ZYG11B: variants seen among roughly 807,000 people sequenced by gnomAD.
ZYG11B encodes zyg-11 family member B, cell cycle regulator.
Under a neutral mutation model 82.4 loss-of-function variants are expected in ZYG11B, and 36 were observed. The ratio of observed to expected loss-of-function variants is 0.44; its 90% CI spans 0.33 to 0.58. The LOEUF (loss-of-function observed/expected upper bound fraction) is 0.58. ZYG11B is among the 20% of genes least tolerant of loss of function. ZYG11B has a pLI of 0.02. For synonymous variants in ZYG11B, 303 were observed against 312.8 expected, an observed-to-expected ratio of 0.97 and a Z score of 0.33; for missense variants, 552 against 895.6, an observed-to-expected ratio of 0.62 and a Z score of 4.90.
Position 52,803,245 on chromosome 1 carries a change from C to T in ZYG11B, c.1695+1106C>T, listed in dbSNP as rs371759794. ...ATATACACACATATATATATACACACACACATATATATATATATATACACA... is the reference window on the plus strand; with the variant it reads ...ATATACACACATATATATATACACATACACATATATATATATATATACACA... On this transcript the variant is annotated intron_variant, in intron 10 of 13. Transcript: ENST00000294353. 0.01 allele frequency among the ~76,000 whole-genome samples: 624 copies of T among 61,992 alleles called. 79 individuals carry two copies. In the East Asian group the frequency reaches 0.26, roughly 25 times the overall value. The allele number at this position is 61,992 out of a possible 152,430, so 40.7% of individuals were successfully genotyped here. A position where few individuals can be genotyped will look rare whatever the true frequency, so the allele number is the denominator to read the frequency against.
At chr1:52,793,896 C>CTTCCTTCCTTCA (rs1268346317) in intron 6 of ZYG11B, among the ~76,000 whole-genome samples, 63 of 148,974 alleles carry the variant, frequency 4.2e-4, no homozygotes, top group African/African-American at 1.6e-3. Flanking sequence ...TCCTTCCTTC[C>CTTCCTTCCTTCA]TTCCTTTCTT....
At chr1:52,734,972 G>A (rs1022438453) in intron 1 of ZYG11B, among the ~76,000 whole-genome samples, 18 of 150,904 alleles carry the variant, frequency 1.2e-4, no homozygotes, top group Admixed American at 8.6e-4. Context: ...CAGGTGATCC[G>A]CCCGCCTTGG....
In ZYG11B at chr1:52,825,271, AAAAT is replaced by A. The variant is rs1247927690; in HGVS notation, c.*3647_*3650del. The stretch of plus-strand genomic sequence containing the variant: ...TTAACTGCATTATTAACTAATTAAT[AAAAT>A]AAATCAAGTGGTATAAGGGATTAGT... On this transcript the variant is annotated 3_prime_UTR_variant, in exon 14 of 14. Transcript: ENST00000294353. 6.6e-6 allele frequency: 1 copy of A among 152,150 alleles called. No individual in the cohort carries two copies. The highest frequency in any genetic ancestry group is 1.5e-5 in the Non-Finnish European group (1 of 68,036). The allele number at this position is 152,150 out of a possible 1,614,324, so 9.4% of individuals were successfully genotyped here. A position where few individuals can be genotyped will look rare whatever the true frequency, so the allele number is the denominator to read the frequency against.
chr1:52,802,157 C>G lies in ZYG11B; in HGVS notation c.1695+18C>G. On this transcript the variant is annotated intron_variant, in intron 10 of 13. Transcript: ENST00000294353. Reference sequence around the variant, plus strand: ...GACTTTTGGTAAGATATAAGCACTTCCTGCTAAGTTCCAAGCTATATTTAT... The same window carrying G: ...GACTTTTGGTAAGATATAAGCACTTGCTGCTAAGTTCCAAGCTATATTTAT... 2 of 1,603,404 alleles carry G rather than the reference C, an allele frequency of 1.2e-6. No homozygotes were observed. The highest frequency in any genetic ancestry group is 1.7e-6 in the Non-Finnish European group (2 of 1,176,650).
In ZYG11B at chr1:52,821,445, G is replaced by GGT; in HGVS notation, c.2052_2053dup (p.Tyr685CysfsTer6). 6.5e-7 allele frequency: 1 copy of GGT among 1,535,560 alleles called. No homozygotes were observed. Among genetic ancestry groups the GGT allele is most frequent in the Non-Finnish European group, 8.8e-7 (1 of 1,136,098 alleles). On this transcript the variant is annotated frameshift_variant, in exon 14 of 14. Transcript: ENST00000294353. LOFTEE classifies it high-confidence loss of function. ...GTTTTTTTTTCTTTTTCAGCTTCAAGGTATTGCAGCATGCTGATTGAAGAA... is the reference window on the plus strand; with the variant it reads ...GTTTTTTTTTCTTTTTCAGCTTCAAGGTGTATTGCAGCATGCTGATTGAAGAA...
In ZYG11B at chr1:52,785,657, A is replaced by C. The variant is rs116582779; in HGVS notation, c.1269+604A>C. 6.0e-3 allele frequency among the ~76,000 whole-genome samples: 906 copies of C among 152,262 alleles called. 6 individuals carry two copies. Among genetic ancestry groups the C allele is most frequent in the Middle Eastern group, 0.017 (5 of 294 alleles). On this transcript the variant is annotated intron_variant, in intron 5 of 13. Transcript: ENST00000294353. ...TTCTTAGTAGAGACAAGGTTTCAAC[A>C]TGTTGGTGAGGATAGTCTCCATCTC...
At chr1:52,779,577 G>A (rs912489753) in intron 3 of ZYG11B, among the ~76,000 whole-genome samples, 7 of 152,194 alleles carry the variant, frequency 4.6e-5, no homozygotes, top group Non-Finnish European at 7.4e-5. Flanking sequence ...TGTAACCTCC[G>A]CCTCCTGGGT....
At chr1:52,741,298 C>CAAAAAAAAAAAAAA (rs770092920) in intron 1 of ZYG11B, among the ~76,000 whole-genome samples, 7 of 72,126 alleles carry the variant, frequency 9.7e-5, no homozygotes, top group Admixed American at 2.0e-4. Flanking sequence ...GACTTCGTCT[C>CAAAAAAAAAAAAAA]AAAAAAAAAA....
intron 4 of ZYG11B, among the ~76,000 whole-genome samples, chr1:52,781,264 C>T (rs1242272541): frequency 6.6e-6 from 1 of 151,534 alleles, no homozygotes; most frequent in African/African-American, 2.4e-5. Flanking sequence ...TTTGGGAAGC[C>T]AAGGCAGGCA....
chr1:52,806,704 A>G (rs1392219091), intron 10 of ZYG11B, among the ~76,000 whole-genome samples: 2 of 151,952 alleles, frequency 1.3e-5, no homozygotes, highest in Non-Finnish European at 2.9e-5. Context: ...ATTTGTCTTT[A>G]TATTTAAAAT....
intron 1 of ZYG11B, among the ~76,000 whole-genome samples, chr1:52,739,641 TG>T (rs145453042): frequency 0.019 from 2,948 of 152,204 alleles, 36 homozygotes; most frequent in Non-Finnish European, 0.031. Flanking sequence ...TGTTTTTTTT[TG>T]AGAGAGTCTC....
At chr1:52,796,449 T>G in intron 7 of ZYG11B, 58 bp downstream of exon 7, 1 of 1,374,746 alleles carries the variant, frequency 7.3e-7, no homozygotes, top group Non-Finnish European at 1.0e-6. Context: ...CTACATTTAC[T>G]GTTTCCCCCC....
At chr1:52,752,790 G>C (rs539862477) in intron 1 of ZYG11B, among the ~76,000 whole-genome samples, 1 of 152,268 alleles carries the variant, frequency 6.6e-6, no homozygotes, top group South Asian at 2.1e-4. Context: ...TGTTGGCGTG[G>C]GAAAAGCCCA....
chr1:52,801,969 A>G lies in ZYG11B; in HGVS notation c.1636A>G (p.Arg546Gly), dbSNP rs1417626758. The change falls in exon 9 of 14, where the codon AGG (arginine) becomes GGG (glycine). Residue 546 changes from arginine (R) to glycine (G), a missense_variant. Arg to Gly is a moderately radical substitution (Grantham distance 125). Around this residue, in one of 3 missense-constraint regions of ZYG11B, gnomAD observed 66 missense variants for 176.4 expected, o/e 0.37. Coordinates refer to ENST00000294353, the MANE Select transcript of ZYG11B (RefSeq NM_024646.3). The stretch of plus-strand genomic sequence containing the variant: ...AAACCAAGGGTTAGAACTCTTCATG[A>G]GGGTTCTAGAGGTTAGAATGGGAAT... ...IENQGLELFM[R>G]VLESFPTESS... is the part of the protein sequence containing the mutation. 1 of 1,599,478 alleles carries G rather than the reference A, an allele frequency of 6.3e-7. No homozygotes were observed. The highest frequency in any genetic ancestry group is 2.2e-5 in the East Asian group (1 of 44,742).
At chr1:52,758,688 G>A (rs1644600620) in intron 2 of ZYG11B, among the ~76,000 whole-genome samples, 1 of 152,134 alleles carries the variant, frequency 6.6e-6, no homozygotes, top group African/African-American at 2.4e-5. Flanking sequence ...AAATGAGGCT[G>A]TAACTGAGGC....
At chr1:52,814,268 G>C (rs1645206371) in intron 12 of ZYG11B, among the ~76,000 whole-genome samples, 2 of 152,146 alleles carry the variant, frequency 1.3e-5, no homozygotes, top group South Asian at 4.1e-4. Context: ...TGATCTGCCT[G>C]CCTGGGCCCC....
At chr1:52,757,169 G>A (rs1206793440) in intron 2 of ZYG11B, among the ~76,000 whole-genome samples, 3 of 151,624 alleles carry the variant, frequency 2.0e-5, no homozygotes, top group Non-Finnish European at 4.4e-5. Context: ...ACTATAGCTT[G>A]GCTAATTTTT....
At chr1:52,734,978 C>T (rs555371416) in intron 1 of ZYG11B, among the ~76,000 whole-genome samples, 2 of 151,674 alleles carry the variant, frequency 1.3e-5, no homozygotes, top group South Asian at 4.2e-4. Flanking sequence ...ATCCGCCCGC[C>T]TTGGCTTCCC....
intron 1 of ZYG11B, among the ~76,000 whole-genome samples, chr1:52,735,681 C>T (rs943897790): frequency 2.0e-5 from 3 of 152,040 alleles, no homozygotes; most frequent in African/African-American, 4.8e-5. Flanking sequence ...GAACTACAGG[C>T]GCCCACTGCC....
Sources: gnomAD v4.1 joint callset for allele counts (sites outside exome capture counted in the v4.1 genomes callset) on GRCh38, gnomAD v4.1.1 for gene constraint, gnomAD v4.1.1 regional missense constraint, MANE v1.5 for transcripts, NCBI Gene and HGNC (gene_info 2026-07-23, HGNC 2026-07-21) for gene names.